The following APOOL variants were observed in gnomAD, a reference collection of about 807,000 sequenced individuals.
APOOL encodes apolipoprotein O like, also known as MICOS complex subunit MIC27.
Under a neutral mutation model 23.1 loss-of-function variants are expected in APOOL, and 12 were observed. The observed-to-expected ratio is 0.52, with a 90% CI of 0.33 to 0.84. APOOL has a LOEUF of 0.84. Among genes scored for constraint, APOOL ranks in the 40% least tolerant of loss-of-function variants. The pLI is 0.02. For synonymous variants in APOOL, 77 were observed against 69.9 expected (o/e 1.10, Z -0.51); for missense variants, 212 against 199.6 (o/e 1.06, Z -0.37).
intron 6 of APOOL, among the ~76,000 whole-genome samples, chrX:85,070,246 A>G (rs1923618139): frequency 9.0e-6 from 1 of 111,719 alleles, no homozygotes; most frequent in South Asian, 3.7e-4. Flanking sequence ...AAGGGCCTAT[A>G]GCTTTTAAGA....
intron 8 of APOOL, among the ~76,000 whole-genome samples, chrX:85,083,203 A>C (rs1375817326): frequency 9.0e-6 from 1 of 111,551 alleles, no homozygotes; most frequent in Non-Finnish European, 1.9e-5. Flanking sequence ...CAAACAAAAT[A>C]CTAGTTATGC....
At chrX:85,075,921 A>C (rs935351232) in intron 8 of APOOL, among the ~76,000 whole-genome samples, 1 of 111,724 alleles carries the variant, frequency 9.0e-6, no homozygotes, top group African/African-American at 3.2e-5. Context: ...GGTGGCTTAT[A>C]AACAACAGAA....
At chrX:85,028,907 A>T (rs1198397402) in intron 1 of APOOL, among the ~76,000 whole-genome samples, 1 of 109,474 alleles carries the variant, frequency 9.1e-6, no homozygotes, top group Non-Finnish European at 1.9e-5. Flanking sequence ...TCTTGTATAG[A>T]TACCCCATTT....
intron 3 of APOOL, among the ~76,000 whole-genome samples, chrX:85,053,844 C>T (rs1015470961): frequency 1.8e-5 from 2 of 111,215 alleles, no homozygotes; most frequent in African/African-American, 6.5e-5. Flanking sequence ...TGATTTCTGT[C>T]CTGAGGTAAT....
chrX:85,086,757 T>G (rs774606943), intron 8 of APOOL, among the ~76,000 whole-genome samples: 2 of 92,845 alleles, frequency 2.2e-5, no homozygotes, highest in Admixed American at 1.2e-4. Flanking sequence ...TGGAGTGCAG[T>G]GGCGCGATCT....
Position 85,092,423 on chromosome X carries a change from C to A in APOOL, c.*4745C>A. The A allele has an allele frequency of 8.4e-7, 1 of 1,184,267 alleles. No homozygotes were observed. The highest frequency in any genetic ancestry group is 1.1e-6 in the Non-Finnish European group (1 of 881,706). The stretch of plus-strand genomic sequence containing the variant: ...TCCCATGCCATGTCCAGGAGTTCTT[C>A]TCTGTTAAACCTGAAGAGATGCCAG... On this transcript the variant is annotated 3_prime_UTR_variant, in exon 9 of 9. Transcript: ENST00000373173.
At chrX:85,028,377 C>A (rs752452582) in intron 1 of APOOL, among the ~76,000 whole-genome samples, 1 of 111,561 alleles carries the variant, frequency 9.0e-6, no homozygotes, top group Non-Finnish European at 1.9e-5. Context: ...AAATCTCTCT[C>A]TTTTATTTTC....
intron 5 of APOOL, among the ~76,000 whole-genome samples, chrX:85,066,162 T>C (rs1229702210): frequency 8.9e-6 from 1 of 112,053 alleles, no homozygotes; most frequent in Non-Finnish European, 1.9e-5. Context: ...ATAAGCTGCT[T>C]CAGATCATAA....
chrX:85,016,518 C>T (rs757386092), intron 1 of APOOL, among the ~76,000 whole-genome samples: 1 of 111,133 alleles, frequency 9.0e-6, no homozygotes, highest in African/African-American at 3.3e-5. Context: ...AATTGTGACT[C>T]TGCCTCTCAT....
chrX:85,022,862 A>G (rs140965154), intron 1 of APOOL, among the ~76,000 whole-genome samples: 34 of 111,874 alleles, frequency 3.0e-4, no homozygotes, highest in African/African-American at 9.1e-4. Flanking sequence ...TTGTTTCCCA[A>G]TGTTGGAGGT....
intron 2 of APOOL, among the ~76,000 whole-genome samples, chrX:85,048,922 C>T (rs1041842364): frequency 1.8e-5 from 2 of 110,617 alleles, no homozygotes. Flanking sequence ...TTTTTTTTAA[C>T]CATGAAATCT....
In APOOL at chrX:85,088,316, G is replaced by GTTTTTTTTTT. The variant is rs766497759; in HGVS notation, c.*658_*667dup. 9.3e-4 allele frequency: 21 copies of GTTTTTTTTTT among 22,533 alleles called. 4 individuals carry two copies. The highest frequency in any genetic ancestry group is 1.6e-3 in the African/African-American group (10 of 6,407). The allele number at this position is 22,533 out of a possible 1,213,427, so 1.9% of individuals were successfully genotyped here. ...TGTATGGAAAGGTGTGTTTCCCTCT[G>GTTTTTTTTTT]TTTTTTTTTTTTTTTTTTTTTTTTT... On this transcript the variant is annotated 3_prime_UTR_variant, in exon 9 of 9. Transcript: ENST00000373173.
At chrX:85,040,716 A>G (rs759737514) in intron 1 of APOOL, among the ~76,000 whole-genome samples, 249 of 112,004 alleles carry the variant, frequency 2.2e-3, no homozygotes, top group Non-Finnish European at 4.0e-3. Flanking sequence ...TTTTTACAGT[A>G]CATTTTTTCG....
rs12690134 is a variant in APOOL, at chrX:85,028,238, C to T, written c.16-18208C>T. On this transcript the variant is annotated intron_variant, in intron 1 of 8. Transcript: ENST00000373173. The stretch of plus-strand genomic sequence containing the variant: ...GGGAGTTTTAGGGGAGAATCCATTT[C>T]TTTGCCTTTTGTATTTGCTAGAGAC... Among the ~76,000 whole-genome samples, 240 of 111,213 alleles carry T rather than the reference C, an allele frequency of 2.2e-3. 5 individuals are homozygous for T. In the East Asian group the frequency reaches 0.063, roughly 29 times the overall value.
chrX:85,026,061 C>T (rs751917714), intron 1 of APOOL, among the ~76,000 whole-genome samples: 2 of 113,431 alleles, frequency 1.8e-5, no homozygotes, highest in African/African-American at 6.4e-5. Flanking sequence ...GAGGCTTTCT[C>T]ATATATCCTC....
intron 3 of APOOL, among the ~76,000 whole-genome samples, chrX:85,052,735 T>C (rs1457850366): frequency 9.0e-6 from 1 of 111,551 alleles, no homozygotes; most frequent in Non-Finnish European, 1.9e-5. Flanking sequence ...TAGTTTGATC[T>C]AAGAGGGAAA....
intron 1 of APOOL, among the ~76,000 whole-genome samples, chrX:85,012,561 A>G (rs780044430): frequency 1.8e-4 from 20 of 111,626 alleles, no homozygotes; most frequent in Non-Finnish European, 3.6e-4. Context: ...GAAGGGAGCC[A>G]GGAGTTTTTC....
intron 1 of APOOL, among the ~76,000 whole-genome samples, chrX:85,012,534 C>T (rs1267283901): frequency 9.0e-6 from 1 of 111,344 alleles, no homozygotes; most frequent in Non-Finnish European, 1.9e-5. Context: ...GCCAGTTTTG[C>T]AGAAGGTTTT....
rs374450309 is a variant in APOOL at position 85,012,818 on chromosome X, T to G, written c.15+8891T>G. Among the ~76,000 whole-genome samples, 17 of 111,609 alleles carry G rather than the reference T, an allele frequency of 1.5e-4. No individual in the cohort carries two copies. The South Asian group carries it at 2.3e-3, about 15-fold the overall frequency. On this transcript the variant is annotated intron_variant, in intron 1 of 8. Coordinates refer to ENST00000373173, the MANE Select transcript of APOOL (RefSeq NM_198450.6). ...TCTGTAGTTTTCTTTTTTTTGTATG[T>G]CCTTTCCTGGTTTTGGTATTTGGGT...
Sources: gnomAD v4.1 joint callset for allele counts (sites outside exome capture counted in the v4.1 genomes callset) on GRCh38, gnomAD v4.1.1 for gene constraint, MANE v1.5 for transcripts, NCBI Gene and HGNC (gene_info 2026-07-23, HGNC 2026-07-21) for gene names.